Variants in BSN observed in about 807,000 individuals in gnomAD.
BSN encodes protein bassoon.
BSN carries 57 observed loss-of-function variants against 264.8 expected under a neutral mutation model. The observed-to-expected ratio is 0.22, with a 90% CI of 0.17 to 0.27. The LOEUF is 0.27. BSN is among the 10% of genes least tolerant of loss of function. The pLI, the probability that BSN is intolerant of heterozygous loss-of-function variation, is 1.00. For synonymous variants in BSN, 2,059 were observed against 2,137.3 expected, an observed-to-expected ratio of 0.96 and a Z score of 1.01; for missense variants, 4,615 against 5,232.5, an observed-to-expected ratio of 0.88 and a Z score of 3.64.
At chr3:49,659,210 G>A (rs1484139541) in intron 5 of BSN, among the ~76,000 whole-genome samples, 4 of 152,088 alleles carry the variant, frequency 2.6e-5, no homozygotes, top group Non-Finnish European at 5.9e-5. Flanking sequence ...CTTGGTGTAT[G>A]CAGGCCATAT....
chr3:49,616,545 A>G (rs905087861), intron 1 of BSN, among the ~76,000 whole-genome samples: 1 of 152,198 alleles, frequency 6.6e-6, no homozygotes. Flanking sequence ...CCATTTATTA[A>G]TGGAAAACAT....
At chr3:49,566,721 G>A (rs1283712284) in intron 1 of BSN, among the ~76,000 whole-genome samples, 1 of 144,950 alleles carries the variant, frequency 6.9e-6, no homozygotes, top group Non-Finnish European at 1.5e-5. Flanking sequence ...GGGAGGTCAA[G>A]ACTGCAGTGA....
At chr3:49,600,603 G>A (rs970888149) in intron 1 of BSN, among the ~76,000 whole-genome samples, 1 of 152,024 alleles carries the variant, frequency 6.6e-6, no homozygotes, top group Non-Finnish European at 1.5e-5. Flanking sequence ...ACCAGCATAG[G>A]CAACACAGTA....
chr3:49,651,192 A>C lies in BSN; in HGVS notation c.1986+113A>C. The stretch of plus-strand genomic sequence containing the variant: ...GGCTCAGGACAGGTGCCTTGGGGCC[A>C]CACAGGAGGGAAGGGACACAGTAGA... On this transcript the variant is annotated intron_variant, in intron 4 of 11. Coordinates refer to ENST00000296452, the MANE Select transcript of BSN (RefSeq NM_003458.4). The surrounding 1 kb of genome is among the most constrained non-coding windows in gnomAD (Gnocchi z 5.4). 1.9e-6 allele frequency: 2 copies of C among 1,060,582 alleles called. No individual in the cohort carries two copies. Among genetic ancestry groups the C allele is most frequent in the Non-Finnish European group, 2.7e-6 (2 of 754,058 alleles). The allele number at this position is 1,060,582 out of a possible 1,614,324, so 65.7% of individuals were successfully genotyped here.
chr3:49,598,164 G>A (rs962886988), intron 1 of BSN, among the ~76,000 whole-genome samples: 1 of 152,186 alleles, frequency 6.6e-6, no homozygotes, highest in African/African-American at 2.4e-5. Context: ...TTGGTTTTCT[G>A]TGTATGAATG....
downstream of BSN, among the ~76,000 whole-genome samples, chr3:49,673,022 G>C (rs781338146): frequency 3.8e-5 from 5 of 132,974 alleles, no homozygotes; most frequent in Admixed American, 8.2e-5. Flanking sequence ...CTCGTGATCC[G>C]CCCGCCTCGG....
rs567996203 is a variant in BSN, at chr3:49,671,381, A to G, written c.*3896A>G. ...AGTGCTGTACAAAGTCAAACAAACA[A>G]GTTTACAGTTGTAAGTGCAATGACC... On this transcript the variant is annotated 3_prime_UTR_variant, in exon 12 of 12. Transcript: ENST00000296452. This position sits in a 1 kb window ranked among gnomAD's most constrained non-coding sequence, Gnocchi z 4.1. The G allele has an allele frequency of 6.6e-6, 1 of 152,252 alleles. No individual in the cohort carries two copies. Among genetic ancestry groups the G allele is most frequent in the African/African-American group, 2.4e-5 (1 of 41,502 alleles). The allele number at this position is 152,252 out of a possible 1,614,324, so 9.4% of individuals were successfully genotyped here. A position where few individuals can be genotyped will look rare whatever the true frequency, so the allele number is the denominator to read the frequency against.
chr3:49,595,649 A>G (rs2052017550), intron 1 of BSN, among the ~76,000 whole-genome samples: 1 of 151,974 alleles, frequency 6.6e-6, no homozygotes, highest in Non-Finnish European at 1.5e-5. Context: ...GAGCCACCAC[A>G]CCCAGCCCCT....
At chr3:49,607,876 T>A (rs555776050) in intron 1 of BSN, among the ~76,000 whole-genome samples, 1 of 152,340 alleles carries the variant, frequency 6.6e-6, no homozygotes, top group South Asian at 2.1e-4. Flanking sequence ...TCCAGCCACC[T>A]GAAAGGGATT....
chr3:49,657,123 C>G lies in BSN; in HGVS notation c.7567C>G (p.Arg2523Gly). ...AGGGCCTGAAGGACTTGGGCAGCCT[C>G]GTGAGCCTGTGCTGCACCGGGGTCT... ...MAGPEGLGQP[R>G]EPVLHRGLPS... The change falls in exon 5 of 12, where the codon CGT (arginine) becomes GGT (glycine). Residue 2523 changes from arginine to glycine, a missense_variant. Physicochemically the swap from Arg to Gly is moderately radical, Grantham distance 125 (BLOSUM62 -2). Around this residue, in one of 3 missense-constraint regions of BSN, gnomAD observed 3,415 missense variants for 3,866.4 expected, o/e 0.88. Transcript: ENST00000296452. 6.2e-7 allele frequency: 1 copy of G among 1,612,710 alleles called. No individual in the cohort carries two copies. The highest frequency in any genetic ancestry group is 8.5e-7 in the Non-Finnish European group (1 of 1,179,584).
intron 3 of BSN, among the ~76,000 whole-genome samples, chr3:49,648,959 C>T (rs182723656): frequency 8.8e-4 from 134 of 152,354 alleles, no homozygotes; most frequent in Non-Finnish European, 1.4e-3. Flanking sequence ...GCAGTCTCGA[C>T]CCTGAGTAAC....
Position 49,642,224 on chromosome 3 carries a change from G to A in BSN, c.634-44G>A, listed in dbSNP as rs1216483459. 2.1e-6 allele frequency: 3 copies of A among 1,455,906 alleles called. No homozygotes were observed. The highest frequency in any genetic ancestry group is 2.4e-5 in the East Asian group (1 of 41,180). 90.2% of individuals were successfully genotyped at this position (1,455,906 alleles called of 1,614,324 possible). On this transcript the variant is annotated intron_variant, in intron 2 of 11. Transcript: ENST00000296452. The surrounding 1 kb of genome is among the most constrained non-coding windows in gnomAD (Gnocchi z 7.0). ...TGCACTGACCTGGGCCATGAGTACT[G>A]CCAATCCTGGCCACCCTGCTGACTA...
At chr3:49,614,537 C>A (rs12185979) in intron 1 of BSN, among the ~76,000 whole-genome samples, 1 of 152,244 alleles carries the variant, frequency 6.6e-6, no homozygotes, top group South Asian at 2.1e-4. Context: ...TGGTCTCTTT[C>A]TAGAATTTGG....
chr3:49,658,959 TC>T lies in BSN; in HGVS notation c.8640+765del, dbSNP rs1432932971. On this transcript the variant is annotated intron_variant, in intron 5 of 11. Coordinates refer to ENST00000296452, the MANE Select transcript of BSN (RefSeq NM_003458.4). The stretch of plus-strand genomic sequence containing the variant: ...TGCCAGGCTGAGGAGGATGGGCTTT[TC>T]CTAAAGACCCTGGAAGCCTCTGGAG... Among the ~76,000 whole-genome samples, 5 of 152,158 alleles carry T rather than the reference TC, an allele frequency of 3.3e-5. No individual in the cohort carries two copies. In the South Asian group the frequency reaches 1.0e-3, roughly 32 times the overall value.
chr3:49,664,139 G>T (rs1255446289), intron 8 of BSN, among the ~76,000 whole-genome samples: 1 of 152,190 alleles, frequency 6.6e-6, no homozygotes, highest in Non-Finnish European at 1.5e-5. Flanking sequence ...GTGAGCACAG[G>T]GTGGGGACCA....
chr3:49,601,552 A>T (rs2052073570), intron 1 of BSN, among the ~76,000 whole-genome samples: 1 of 152,082 alleles, frequency 6.6e-6, no homozygotes, highest in African/African-American at 2.4e-5. Flanking sequence ...TTGGCCAAAA[A>T]GTTGAGGGTG....
intron 1 of BSN, among the ~76,000 whole-genome samples, chr3:49,592,452 G>GT (rs1265733368): frequency 6.7e-6 from 1 of 150,110 alleles, no homozygotes; most frequent in African/African-American, 2.4e-5. Flanking sequence ...ACATGCAGCT[G>GT]TAAGAAATAA....
chr3:49,565,830 A>G (rs1206564135), intron 1 of BSN, among the ~76,000 whole-genome samples: 1 of 150,972 alleles, frequency 6.6e-6, no homozygotes, highest in African/African-American at 2.4e-5. Flanking sequence ...TATTTAATGT[A>G]TTTTTTTTTG....
intron 1 of BSN, among the ~76,000 whole-genome samples, chr3:49,609,695 T>G (rs2052188595): frequency 1.3e-5 from 2 of 152,124 alleles, no homozygotes; most frequent in African/African-American, 2.4e-5. Context: ...CGTTCACACA[T>G]GTGACTATGA....
Sources: allele counts gnomAD v4.1 joint callset (sites outside exome capture counted in the v4.1 genomes callset), GRCh38; gene constraint gnomAD v4.1.1; regional missense constraint gnomAD v4.1.1; non-coding constraint Gnocchi (gnomAD v3.1); transcripts MANE v1.5; gene names NCBI Gene and HGNC (gene_info 2026-07-23, HGNC 2026-07-21).